CSGALNACT1: variants seen among roughly 807,000 people sequenced by gnomAD.
CSGALNACT1 encodes the protein chondroitin sulfate N-acetylgalactosaminyltransferase 1.
CSGALNACT1 carries 52 observed loss-of-function variants against 51.0 expected under a neutral mutation model. The ratio of observed to expected loss-of-function variants is 1.02; its 90% confidence interval spans 0.82 to 1.29. The LOEUF (loss-of-function observed/expected upper bound fraction) is 1.29. Among genes scored for constraint, CSGALNACT1 ranks in the 50% most tolerant of loss-of-function variants. The pLI is 0.00. For synonymous variants in CSGALNACT1, 341 were observed against 254.4 expected (o/e 1.34, Z -3.24); for missense variants, 935 against 679.2 (o/e 1.38, Z -4.19).
chr8:19,626,120 T>C (rs2154166119), intron 1 of CSGALNACT1, among the ~76,000 whole-genome samples: 1 of 152,260 alleles, frequency 6.6e-6, no homozygotes, highest in African/African-American at 2.4e-5. Flanking sequence ...TAAAACAATT[T>C]TGAAAAAGAA....
At chr8:19,421,524 TG>T in intron 6 of CSGALNACT1, among the ~76,000 whole-genome samples, 1 of 152,322 alleles carries the variant, frequency 6.6e-6, no homozygotes. Context: ...CTTTTCCTAA[TG>T]GCTTCCTTTC....
intron 3 of CSGALNACT1, among the ~76,000 whole-genome samples, chr8:19,584,180 C>G (rs1291119196): frequency 6.6e-6 from 1 of 152,208 alleles, no homozygotes; most frequent in Non-Finnish European, 1.5e-5. Context: ...GTTTTTTCAT[C>G]TGCAGAACGT....
chr8:19,723,143 A>G (rs1390914504), intron 1 of CSGALNACT1, among the ~76,000 whole-genome samples: 1 of 152,194 alleles, frequency 6.6e-6, no homozygotes, highest in African/African-American at 2.4e-5. Flanking sequence ...TCTTCACCTT[A>G]TTTTGGGCTC....
At chr8:19,540,842 C>T (rs1214742931) in intron 3 of CSGALNACT1, among the ~76,000 whole-genome samples, 1 of 152,156 alleles carries the variant, frequency 6.6e-6, no homozygotes, top group East Asian at 1.9e-4. Context: ...ATACATCCTT[C>T]AGTATCAGCA....
chr8:19,579,073 C>G (rs1340161406), intron 3 of CSGALNACT1, among the ~76,000 whole-genome samples: 2 of 152,148 alleles, frequency 1.3e-5, no homozygotes, highest in African/African-American at 4.8e-5. Flanking sequence ...TAAAAATGAA[C>G]TTGAGCCTAT....
At chr8:19,500,968 G>A (rs1299251718) in intron 4 of CSGALNACT1, among the ~76,000 whole-genome samples, 1 of 152,186 alleles carries the variant, frequency 6.6e-6, no homozygotes, top group African/African-American at 2.4e-5. Flanking sequence ...TAAGGGCAGA[G>A]GCCGGGCACG....
intron 3 of CSGALNACT1, among the ~76,000 whole-genome samples, chr8:19,524,908 G>C (rs1263057596): frequency 2.0e-5 from 3 of 152,166 alleles, no homozygotes; most frequent in Non-Finnish European, 4.4e-5. Flanking sequence ...GAAATAAAGA[G>C]AGAAAGAGAG....
intron 1 of CSGALNACT1, among the ~76,000 whole-genome samples, chr8:19,633,955 G>A (rs567306674): frequency 2.6e-5 from 4 of 152,110 alleles, no homozygotes; most frequent in African/African-American, 4.8e-5. Flanking sequence ...TTTCCCAACC[G>A]AGGGTTCGTG....
At chr8:19,497,283 C>G (rs1202939335) in intron 4 of CSGALNACT1, among the ~76,000 whole-genome samples, 2 of 152,154 alleles carry the variant, frequency 1.3e-5, no homozygotes, top group East Asian at 3.9e-4. Flanking sequence ...GAGACCTTCT[C>G]TGAAATACAG....
At chr8:19,505,526 A>G in exon 4 of CSGALNACT1, 3 of 1,614,014 alleles carry the variant, frequency 1.9e-6, no homozygotes, top group African/African-American at 2.7e-5. Flanking sequence ...CCAGGCCAGC[A>G]GCATCGCTGG....
At chr8:19,727,558 C>T (rs2063471678) in intron 1 of CSGALNACT1, among the ~76,000 whole-genome samples, 1 of 152,006 alleles carries the variant, frequency 6.6e-6, no homozygotes, top group Non-Finnish European at 1.5e-5. Context: ...AACATGTTGC[C>T]CAGGCTGGTC....
intron 6 of CSGALNACT1, among the ~76,000 whole-genome samples, chr8:19,427,443 T>A (rs2058939587): frequency 1.3e-5 from 2 of 152,134 alleles, no homozygotes; most frequent in African/African-American, 4.8e-5. Flanking sequence ...AGGAAAATGG[T>A]GAGATTCAAA....
intron 3 of CSGALNACT1, among the ~76,000 whole-genome samples, chr8:19,520,967 G>C (rs1255643545): frequency 2.6e-5 from 4 of 152,214 alleles, no homozygotes; most frequent in Non-Finnish European, 2.9e-5. Flanking sequence ...TGCTTTCGCA[G>C]ATGTGTGTTC....
chr8:19,632,959 G>A (rs1409458106), intron 1 of CSGALNACT1, among the ~76,000 whole-genome samples: 2 of 149,444 alleles, frequency 1.3e-5, no homozygotes, highest in Non-Finnish European at 3.0e-5. Flanking sequence ...GTAGAGACGA[G>A]GTTTCCCCAT....
chr8:19,748,845 A>T (rs956035665), intron 1 of CSGALNACT1, among the ~76,000 whole-genome samples: 3 of 151,988 alleles, frequency 2.0e-5, no homozygotes, highest in African/African-American at 7.2e-5. Flanking sequence ...AGTGCCTGTA[A>T]TCCCAGCTAC....
chr8:19,538,755 C>T (rs1426210692), intron 3 of CSGALNACT1, among the ~76,000 whole-genome samples: 1 of 152,092 alleles, frequency 6.6e-6, no homozygotes, highest in Non-Finnish European at 1.5e-5. Flanking sequence ...TTGTGGACTT[C>T]ACTCTGCACA....
At chr8:19,594,620 T>G (rs1432039889) in intron 2 of CSGALNACT1, among the ~76,000 whole-genome samples, 1 of 152,128 alleles carries the variant, frequency 6.6e-6, no homozygotes. Context: ...CTCTGCTCAC[T>G]GCAACCTCCA....
chr8:19,666,941 GAAAAAGAAAGAAAGAA>G (rs2059315524), intron 1 of CSGALNACT1, among the ~76,000 whole-genome samples: 3 of 114,576 alleles, frequency 2.6e-5, no homozygotes, highest in South Asian at 3.0e-4. Context: ...GAGAGAGAGA[GAAAAAGAAAGAAAGAA>G]AGAAAGAAAG....
At chr8:19,455,332 G>A (rs960438134) in intron 5 of CSGALNACT1, among the ~76,000 whole-genome samples, 5 of 152,098 alleles carry the variant, frequency 3.3e-5, no homozygotes, top group South Asian at 2.1e-4. Flanking sequence ...AATACAAATC[G>A]CTTCCAGTGT....
Sources: gnomAD v4.1 joint callset for allele counts (sites outside exome capture counted in the v4.1 genomes callset) on GRCh38, gnomAD v4.1.1 for gene constraint, MANE v1.5 for transcripts, NCBI Gene and HGNC (gene_info 2026-07-23, HGNC 2026-07-21) for gene names.